The following PAX2 variants were observed in gnomAD, a reference collection of about 807,000 sequenced individuals.
PAX2 encodes paired box protein Pax-2.
A neutral mutation model predicts 41.7 loss-of-function variants in PAX2; 9 were observed. The ratio of observed to expected loss-of-function variants is 0.22; its 90% confidence interval spans 0.13 to 0.38. The LOEUF is 0.38. Among genes scored for constraint, PAX2 ranks in the 10% least tolerant of loss-of-function variants. The pLI, the probability that PAX2 is intolerant of heterozygous loss-of-function variation, is 1.00. For missense variants in PAX2, 418 were observed against 531.6 expected (o/e 0.79, Z 2.10); for synonymous variants, 221 against 212.7 (o/e 1.04, Z -0.34).
intron 5 of PAX2, among the ~76,000 whole-genome samples, chr10:100,793,836 G>A (rs187163358): frequency 6.6e-5 from 10 of 152,300 alleles, no homozygotes; most frequent in Non-Finnish European, 1.3e-4. Context: ...GGTGCCCAGT[G>A]TGTTGGGAGG....
chr10:100,809,338 T>C (rs932436688), intron 7 of PAX2, 102 bp downstream of exon 7: 11 of 1,160,232 alleles, frequency 9.5e-6, no homozygotes, highest in Non-Finnish European at 1.0e-5. Context: ...CCCACCGTGA[T>C]ATTTACAGAG....
chr10:100,827,156 C>T lies in PAX2; in HGVS notation c.1108+61C>T. 1 of 1,380,270 alleles carries T rather than the reference C, an allele frequency of 7.2e-7. No individual in the cohort carries two copies. Among genetic ancestry groups the T allele is most frequent in the South Asian group, 1.2e-5 (1 of 85,940 alleles). 85.5% of individuals were successfully genotyped at this position (1,380,270 alleles called of 1,614,324 possible). A position where few individuals can be genotyped will look rare whatever the true frequency, so the allele number is the denominator to read the frequency against. On this transcript the variant is annotated intron_variant, in intron 9 of 9. Transcript: ENST00000355243. The surrounding 1 kb of genome is among the most constrained non-coding windows in gnomAD (Gnocchi z 8.5). ...CGGCCGCGCGGCTTCTGGGCACGGT[C>T]CCACTCCCGGCGACCCGACCTCTGG...
At chr10:100,781,065 A>G (rs906775999) in intron 4 of PAX2, among the ~76,000 whole-genome samples, 181 bp from the exon 5 acceptor site, 4 of 152,178 alleles carry the variant, frequency 2.6e-5, no homozygotes, top group Non-Finnish European at 5.9e-5. Context: ...TAGCCTGTAT[A>G]TGGCAATGCA....
intron 3 of PAX2, among the ~76,000 whole-genome samples, chr10:100,753,822 A>T (rs1845534901): frequency 6.6e-6 from 1 of 152,202 alleles, no homozygotes; most frequent in Admixed American, 6.5e-5. Flanking sequence ...TTCTGTTGTG[A>T]TAAAGGCCTG....
chr10:100,806,686 C>T, intron 6 of PAX2, 81 bp downstream of exon 6: 1 of 1,171,032 alleles, frequency 8.5e-7, no homozygotes, highest in Non-Finnish European at 1.3e-6. Context: ...CACTAAACAC[C>T]ACATGCATAG....
At chr10:100,790,478 C>T (rs1179297329) in intron 5 of PAX2, among the ~76,000 whole-genome samples, 2 of 152,208 alleles carry the variant, frequency 1.3e-5, no homozygotes, top group African/African-American at 4.8e-5. Context: ...CCAGCAAGGG[C>T]ACCAAGCAGG....
At chr10:100,753,496 T>C (rs1388376408) in intron 3 of PAX2, among the ~76,000 whole-genome samples, 1 of 152,244 alleles carries the variant, frequency 6.6e-6, no homozygotes, top group East Asian at 1.9e-4. Context: ...TCTCACTCAC[T>C]GTAGGAAGAG....
chr10:100,746,395 G>T (rs909628917), intron 1 of PAX2, 92 bp downstream of exon 1: 26 of 903,912 alleles, frequency 2.9e-5, no homozygotes, highest in Non-Finnish European at 4.9e-5. Flanking sequence ...TCGCGCTCAG[G>T]TCCCATCTTG....
At chr10:100,823,307 T>C (rs1848430682) in intron 7 of PAX2, among the ~76,000 whole-genome samples, 1 of 152,230 alleles carries the variant, frequency 6.6e-6, no homozygotes, top group South Asian at 2.1e-4. Flanking sequence ...TTCAGCAGGG[T>C]ACTAGAAATG....
At chr10:100,808,533 A>G (rs1023572437) in intron 6 of PAX2, among the ~76,000 whole-genome samples, 6 of 152,176 alleles carry the variant, frequency 3.9e-5, no homozygotes, top group Non-Finnish European at 5.9e-5. Context: ...ACACCCTTTC[A>G]GAGTCAATGA....
intron 7 of PAX2, among the ~76,000 whole-genome samples, chr10:100,810,054 G>A (rs750197443): frequency 5.9e-5 from 9 of 152,124 alleles, no homozygotes; most frequent in Non-Finnish European, 1.2e-4. Flanking sequence ...TAATTATTCT[G>A]GAGACACTAA....
At chr10:100,798,861 C>T (rs1847432495) in intron 5 of PAX2, among the ~76,000 whole-genome samples, 1 of 152,252 alleles carries the variant, frequency 6.6e-6, no homozygotes, top group Non-Finnish European at 1.5e-5. Flanking sequence ...CTCCACCTCC[C>T]TGGTCCTGCT....
At chr10:100,794,930 T>C (rs898682229) in intron 5 of PAX2, among the ~76,000 whole-genome samples, 1 of 152,198 alleles carries the variant, frequency 6.6e-6, no homozygotes, top group African/African-American at 2.4e-5. Context: ...TGGTTTGGGT[T>C]CTTAATTCTA....
chr10:100,795,847 C>T (rs1460719663), intron 5 of PAX2, among the ~76,000 whole-genome samples: 2 of 152,264 alleles, frequency 1.3e-5, no homozygotes, highest in Non-Finnish European at 2.9e-5. Context: ...TGCCCTCCTA[C>T]TGGGCTCAGT....
At chr10:100,802,048 G>A (rs1847583011) in intron 5 of PAX2, among the ~76,000 whole-genome samples, 1 of 152,194 alleles carries the variant, frequency 6.6e-6, no homozygotes, top group South Asian at 2.1e-4. Flanking sequence ...CTACAGAATG[G>A]GAGCTGGGCA....
intron 1 of PAX2, among the ~76,000 whole-genome samples, chr10:100,736,202 T>A (rs1165942416): frequency 6.6e-6 from 1 of 152,170 alleles, no homozygotes; most frequent in Non-Finnish European, 1.5e-5. Flanking sequence ...CTAATGTAGA[T>A]GAGCCTAACC....
chr10:100,809,051 CGA>C, intron 6 of PAX2, 57 bp from the exon 7 acceptor site: 1 of 1,556,558 alleles, frequency 6.4e-7, no homozygotes, highest in Non-Finnish European at 8.8e-7. Context: ...ATCTGCACAC[CGA>C]GCCCTTTCTC....
In PAX2 at chr10:100,803,950, G is replaced by A. The variant is rs868769102; in HGVS notation, c.617-2480G>A. Among the ~76,000 whole-genome samples the A allele has an allele frequency of 1.6e-4, 24 of 152,260 alleles. No individual in the cohort carries two copies. In the Middle Eastern group the frequency reaches 0.01, roughly 65 times the overall value. On this transcript the variant is annotated intron_variant, in intron 5 of 9. Transcript: ENST00000355243. The stretch of plus-strand genomic sequence containing the variant: ...GGGAGCAGCAATAACCCCTAAAACA[G>A]TACTATCAGTGGAACATGATTGATC...
At position 100,746,015 on chromosome 10, in the gene PAX2, C is replaced by G; in HGVS notation, c.-246C>G. On this transcript the variant is annotated 5_prime_UTR_variant, in exon 1 of 10. Coordinates refer to ENST00000355243, the MANE Select transcript of PAX2 (RefSeq NM_000278.5). ...ACCGCCCCGGGGCCATTCTGCTGAC[C>G]GCCCAGCCCCGAGCCCCGACAGTGG... 2 of 1,395,040 alleles carry G rather than the reference C, an allele frequency of 1.4e-6. No homozygotes were observed. Among genetic ancestry groups the G allele is most frequent in the Non-Finnish European group, 1.8e-6 (2 of 1,081,544 alleles). 86.4% of individuals were successfully genotyped at this position (1,395,040 alleles called of 1,614,324 possible).
Sources: gnomAD v4.1 joint callset for allele counts (sites outside exome capture counted in the v4.1 genomes callset) on GRCh38, gnomAD v4.1.1 for gene constraint, Gnocchi (gnomAD v3.1) non-coding constraint, MANE v1.5 for transcripts, NCBI Gene and HGNC (gene_info 2026-07-23, HGNC 2026-07-21) for gene names.